CCL28: variants seen among roughly 807,000 people sequenced by gnomAD.
The protein encoded by CCL28 is C-C motif chemokine ligand 28, also known as C-C motif chemokine 28.
CCL28 carries 4 observed loss-of-function variants against 7.1 expected under a neutral mutation model. That is an observed-to-expected ratio of 0.56 (90% confidence interval 0.28 to 1.29). The LOEUF is 1.29. Ranked by LOEUF, CCL28 falls within the 50% of genes most tolerant of loss-of-function variation. CCL28 has a pLI of 0.11. For missense variants in CCL28, 151 were observed against 163.4 expected, an observed-to-expected ratio of 0.92 and a Z score of 0.41; for synonymous variants, 55 against 57.8, an observed-to-expected ratio of 0.95 and a Z score of 0.22.
chr5:43,411,906 G>A (rs911140548), intron 1 of CCL28, among the ~76,000 whole-genome samples: 1 of 152,250 alleles, frequency 6.6e-6, no homozygotes, highest in Non-Finnish European at 1.5e-5. Flanking sequence ...GGGTGTGGAG[G>A]AAGACAGATG....
downstream of CCL28, among the ~76,000 whole-genome samples, chr5:43,375,264 C>T (rs1175925742): frequency 2.0e-5 from 3 of 147,684 alleles, no homozygotes; most frequent in Non-Finnish European, 4.4e-5. Flanking sequence ...GCTGGGATTA[C>T]AGGCGTGAGC....
chr5:43,401,721 A>G (rs1445241999), intron 1 of CCL28, among the ~76,000 whole-genome samples: 1 of 152,220 alleles, frequency 6.6e-6, no homozygotes, highest in Non-Finnish European at 1.5e-5. Flanking sequence ...GCTCATAGTA[A>G]GTATACAGGT....
chr5:43,369,804 T>TA, the CCL28 span, among the ~76,000 whole-genome samples: 1 of 152,188 alleles, frequency 6.6e-6, no homozygotes, highest in Non-Finnish European at 1.5e-5. Context: ...CCTCCTGGTA[T>TA]ACAGTCCCTT....
the CCL28 span, among the ~76,000 whole-genome samples, chr5:43,359,505 C>T: frequency 2.1e-3 from 316 of 152,262 alleles, no homozygotes; most frequent in East Asian, 0.018. Flanking sequence ...TGTTCCTTGC[C>T]CTCATTCTGG....
chr5:43,382,337 AG>A (rs1740151130), intron 2 of CCL28, among the ~76,000 whole-genome samples: 1 of 152,204 alleles, frequency 6.6e-6, no homozygotes, highest in Non-Finnish European at 1.5e-5. Flanking sequence ...GAGAAGAAGG[AG>A]AAAAGGAGGG....
At chr5:43,408,690 G>A (rs1318685201) in intron 1 of CCL28, among the ~76,000 whole-genome samples, 3 of 152,222 alleles carry the variant, frequency 2.0e-5, no homozygotes, top group East Asian at 3.9e-4. Flanking sequence ...TAAATGCATA[G>A]AGGAAATTCT....
At chr5:43,408,858 A>G (rs1409797597) in intron 1 of CCL28, among the ~76,000 whole-genome samples, 1 of 148,240 alleles carries the variant, frequency 6.7e-6, no homozygotes, top group Non-Finnish European at 1.5e-5. Context: ...TTTTTGTGAC[A>G]TTTTTGGTAA....
At chr5:43,370,946 T>C in the CCL28 span, among the ~76,000 whole-genome samples, 1 of 152,162 alleles carries the variant, frequency 6.6e-6, no homozygotes, top group Non-Finnish European at 1.5e-5. Context: ...TTCACCACAT[T>C]GGCCAGGCTG....
chr5:43,360,236 G>A, the CCL28 span, among the ~76,000 whole-genome samples: 5 of 151,854 alleles, frequency 3.3e-5, no homozygotes, highest in Admixed American at 6.6e-5. Context: ...CCAGACCCAC[G>A]TAAAAAAAAT....
chr5:43,407,388 G>A (rs1053311048), intron 1 of CCL28, among the ~76,000 whole-genome samples: 5 of 152,178 alleles, frequency 3.3e-5, no homozygotes, highest in African/African-American at 9.7e-5. Flanking sequence ...AATAAGAAAT[G>A]GGGAAAGGAT....
At chr5:43,367,092 T>A in the CCL28 span, among the ~76,000 whole-genome samples, 1 of 152,214 alleles carries the variant, frequency 6.6e-6, no homozygotes, top group African/African-American at 2.4e-5. Context: ...CCCACCAAGC[T>A]TGAGCACCCC....
the CCL28 span, among the ~76,000 whole-genome samples, chr5:43,362,007 A>C: frequency 6.6e-6 from 1 of 152,074 alleles, no homozygotes; most frequent in Non-Finnish European, 1.5e-5. Flanking sequence ...ATGAATTTTA[A>C]AATAGTTTTT....
intron 1 of CCL28, among the ~76,000 whole-genome samples, chr5:43,400,944 G>A (rs565434472): frequency 6.6e-6 from 1 of 152,018 alleles, no homozygotes; most frequent in South Asian, 2.1e-4. Flanking sequence ...TTAACCGGGC[G>A]TGGTGGCAGG....
the CCL28 span, among the ~76,000 whole-genome samples, chr5:43,366,530 A>G: frequency 2.6e-5 from 4 of 152,210 alleles, no homozygotes; most frequent in African/African-American, 9.7e-5. Flanking sequence ...TTCATCCCAG[A>G]AGGGCACCTG....
At chr5:43,409,952 TATAG>T (rs1380170811) in intron 1 of CCL28, among the ~76,000 whole-genome samples, 10 of 152,124 alleles carry the variant, frequency 6.6e-5, no homozygotes, top group Non-Finnish European at 1.2e-4. Flanking sequence ...GGCTTTTAAT[TATAG>T]ATAAAGTCAC....
chr5:43,381,831 T>G lies in CCL28; in HGVS notation c.*29A>C, dbSNP rs552866971. On this transcript the variant is annotated 3_prime_UTR_variant, in exon 3 of 3. Coordinates refer to ENST00000361115, the MANE Select transcript of CCL28 (RefSeq NM_148672.3). ...ATCATGGCCAAGTCCACTTGAGGAA[T>G]TGTCTCTGTAGATTTATCTGTAGAC... The G allele has an allele frequency of 6.4e-7, 1 of 1,559,912 alleles. No individual in the cohort carries two copies. The highest frequency in any genetic ancestry group is 1.2e-5 in the South Asian group (1 of 85,706).
chr5:43,378,688 C>T (rs970972922), downstream of CCL28, among the ~76,000 whole-genome samples: 20 of 152,088 alleles, frequency 1.3e-4, no homozygotes, highest in African/African-American at 4.8e-4. Flanking sequence ...TTTGGCCGGG[C>T]GCGGTGGCTC....
At chr5:43,408,766 C>CT in intron 1 of CCL28, among the ~76,000 whole-genome samples, 1 of 151,758 alleles carries the variant, frequency 6.6e-6, no homozygotes, top group Non-Finnish European at 1.5e-5. Flanking sequence ...AGGGACTTTC[C>CT]TTTTTTTAAT....
In CCL28 at chr5:43,405,529, G is replaced by T. The variant is rs1741239921; in HGVS notation, c.64+6724C>A. 2.0e-5 allele frequency among the ~76,000 whole-genome samples: 3 copies of T among 151,990 alleles called. No homozygotes were observed. In the South Asian group the frequency reaches 6.2e-4, roughly 32 times the overall value. ...GGGGGAAATTTATAGCACTACATGT[G>T]AACAAGAGAAAGCAGGAAAGATCTA... On this transcript the variant is annotated intron_variant, in intron 1 of 2. Coordinates refer to ENST00000361115, the MANE Select transcript of CCL28 (RefSeq NM_148672.3).
Sources: gnomAD v4.1 joint callset for allele counts (sites outside exome capture counted in the v4.1 genomes callset) on GRCh38, gnomAD v4.1.1 for gene constraint, MANE v1.5 for transcripts, NCBI Gene and HGNC (gene_info 2026-07-23, HGNC 2026-07-21) for gene names.